The following RO60 variants were observed in gnomAD, a reference collection of about 807,000 sequenced individuals.
RO60 encodes RNA-binding protein RO60.
RO60 carries 20 observed loss-of-function variants against 55.3 expected under a neutral mutation model. The ratio of observed to expected loss-of-function variants is 0.36; its 90% CI spans 0.25 to 0.53. The LOEUF is 0.53. RO60 is among the 20% of genes least tolerant of loss of function. The probability of loss-of-function intolerance (pLI) is 0.92; values close to 1 mark genes in which losing one functional copy is unlikely to be tolerated. For missense variants in RO60, 558 were observed against 646.6 expected (o/e 0.86, Z 1.49); for synonymous variants, 213 against 213.6 (o/e 1.00, Z 0.02).
chr1:193,063,155 C>CG (rs1672894667), intron 1 of RO60, among the ~76,000 whole-genome samples: 1 of 152,120 alleles, frequency 6.6e-6, no homozygotes, highest in Admixed American at 6.6e-5. Context: ...AGTATATGAG[C>CG]GTTTCATTTT....
Position 193,075,851 on chromosome 1 carries a change from G to A in RO60, c.612G>A (p.Lys204=), listed in dbSNP as rs770420503. The change falls in exon 3 of 9, where the codon AAG becomes AAA. Residue 204 remains lysine, a synonymous_variant. Coordinates refer to ENST00000400968, the MANE Select transcript of RO60 (RefSeq NM_001173524.2). ...CAATTGTGACCAAATATATTACAAA[G>A]GGCTGGAAAGAAGTTCATGAATTGT... ...GLAIVTKYIT[K]GWKEVHELYK... 2 of 1,610,186 alleles carry A rather than the reference G, an allele frequency of 1.2e-6. No homozygotes were observed. The highest frequency in any genetic ancestry group is 3.4e-5 in the Admixed American group (2 of 59,364).
chr1:193,078,728 G>T (rs1169609842), intron 5 of RO60, among the ~76,000 whole-genome samples: 1 of 151,896 alleles, frequency 6.6e-6, no homozygotes, highest in Non-Finnish European at 1.5e-5. Context: ...ATTAAGTCAT[G>T]AATAAATAGA....
At chr1:193,066,817 TGCTTA>T (rs559705479) in intron 1 of RO60, among the ~76,000 whole-genome samples, 56 of 152,224 alleles carry the variant, frequency 3.7e-4, no homozygotes, top group Non-Finnish European at 5.7e-4. Flanking sequence ...CTCTACAGGA[TGCTTA>T]GACAGTTTCT....
rs1202648818 is a variant in RO60 at position 193,085,882 on chromosome 1, T to C, written c.*1151T>C. 3 of 985,150 alleles carry C rather than the reference T, an allele frequency of 3.0e-6. No individual in the cohort carries two copies. The highest frequency in any genetic ancestry group is 3.6e-6 in the Non-Finnish European group (3 of 829,808). 61.0% of individuals were successfully genotyped at this position (985,150 alleles called of 1,614,324 possible). A position where few individuals can be genotyped will look rare whatever the true frequency, so the allele number is the denominator to read the frequency against. ...AGTCACTAGGAATTTTTTTCAGTATTATTTGTATGTATTAAACTTTTCATT... is the reference window on the plus strand; with the variant it reads ...AGTCACTAGGAATTTTTTTCAGTATCATTTGTATGTATTAAACTTTTCATT... On this transcript the variant is annotated 3_prime_UTR_variant, in exon 9 of 9. Transcript: ENST00000400968.
chr1:193,080,030 T>C (rs1194868653), intron 5 of RO60, among the ~76,000 whole-genome samples: 2 of 150,092 alleles, frequency 1.3e-5, no homozygotes, highest in African/African-American at 2.5e-5. Flanking sequence ...ACTCATGAGG[T>C]TGAGGCAGGA....
At chr1:193,063,440 C>T (rs535552934) in intron 1 of RO60, among the ~76,000 whole-genome samples, 1 of 152,028 alleles carries the variant, frequency 6.6e-6, no homozygotes, top group East Asian at 1.9e-4. Context: ...TGTAAGTGTT[C>T]TTAATATATT....
intron 2 of RO60, among the ~76,000 whole-genome samples, chr1:193,071,665 A>T (rs1019557781): frequency 2.0e-5 from 3 of 151,484 alleles, no homozygotes; most frequent in Non-Finnish European, 4.4e-5. Context: ...CTCTTTCAGT[A>T]GAATCATGAA....
chr1:193,090,455 G>T lies in RO60; in HGVS notation c.*5724G>T, dbSNP rs1674815146. 6.6e-6 allele frequency: 1 copy of T among 151,162 alleles called. No homozygotes were observed. Among genetic ancestry groups the T allele is most frequent in the African/African-American group, 2.4e-5 (1 of 41,078 alleles). 9.4% of individuals were successfully genotyped at this position (151,162 alleles called of 1,614,324 possible). Reference sequence around the variant, plus strand: ...TCTGAATATGGACTCTCTATATCTGGTATGGCGTGACTGGGCATAACTTCT... The same window carrying T: ...TCTGAATATGGACTCTCTATATCTGTTATGGCGTGACTGGGCATAACTTCT... On this transcript the variant is annotated 3_prime_UTR_variant, in exon 9 of 9. Coordinates refer to ENST00000400968, the MANE Select transcript of RO60 (RefSeq NM_001173524.2).
chr1:193,071,505 T>G (rs1183675868), intron 2 of RO60, among the ~76,000 whole-genome samples: 18 of 152,082 alleles, frequency 1.2e-4, no homozygotes, highest in Admixed American at 1.2e-3. Context: ...CAAGAGTTGT[T>G]TCTGGTTTTT....
At chr1:193,074,007 G>A (rs1263305260) in intron 2 of RO60, among the ~76,000 whole-genome samples, 3 of 151,318 alleles carry the variant, frequency 2.0e-5, no homozygotes, top group African/African-American at 2.4e-5. Flanking sequence ...TTGTCCTTGC[G>A]ATAGTTTGCT....
chr1:193,075,549 A>G (rs1187157735), intron 2 of RO60, among the ~76,000 whole-genome samples: 5 of 152,070 alleles, frequency 3.3e-5, no homozygotes, highest in African/African-American at 1.2e-4. Context: ...GTGTCTTTAA[A>G]AAGAAAAGAA....
At chr1:193,070,015 A>G (rs1283343393) in intron 2 of RO60, among the ~76,000 whole-genome samples, 2 of 152,166 alleles carry the variant, frequency 1.3e-5, no homozygotes, top group Non-Finnish European at 2.9e-5. Flanking sequence ...CAGCTTTGCC[A>G]GTTACTCATC....
chr1:193,080,593 A>G (rs1340977665), intron 5 of RO60, among the ~76,000 whole-genome samples: 1 of 152,228 alleles, frequency 6.6e-6, no homozygotes, highest in Non-Finnish European at 1.5e-5. Context: ...AGTATATAGA[A>G]ATACAACTGA....
Position 193,059,804 on chromosome 1 carries a change from G to T in RO60, c.-22+28G>T. ...GAGGACATTGCGGGAGGCCGGCTGG[G>T]AGCCTTTTGTGCGGCCCCAGGGACG... is the stretch of plus-strand genomic sequence containing the variant. On this transcript the variant is annotated intron_variant, in intron 1 of 8. Transcript: ENST00000400968. The surrounding 1 kb of genome is among the most constrained non-coding windows in gnomAD (Gnocchi z 4.9). 8.8e-6 allele frequency: 12 copies of T among 1,356,726 alleles called. No individual in the cohort carries two copies. Among genetic ancestry groups the T allele is most frequent in the Non-Finnish European group, 1.2e-5 (12 of 1,017,370 alleles). 84.0% of individuals were successfully genotyped at this position (1,356,726 alleles called of 1,614,324 possible). A position where few individuals can be genotyped will look rare whatever the true frequency, so the allele number is the denominator to read the frequency against.
Position 193,076,544 on chromosome 1 carries a change from T to C in RO60, c.845T>C (p.Leu282Pro). 1 of 1,612,724 alleles carries C rather than the reference T, an allele frequency of 6.2e-7. No individual in the cohort carries two copies. The highest frequency in any genetic ancestry group is 8.5e-7 in the Non-Finnish European group (1 of 1,179,422). Residue 282 changes from leucine to proline, a missense_variant, in exon 4 of 9, where the codon CTA becomes CCA. Physicochemically the swap from Leu to Pro is moderately conservative, Grantham distance 98. Transcript: ENST00000400968. ...LLQEMPLTALLRNLGKMTANS... is the reference protein window; with the variant it reads ...LLQEMPLTALPRNLGKMTANS... ...CAAGAAATGCCGCTTACTGCATTAC[T>C]AAGGAATCTAGGAAAGATGACTGCT...
intron 8 of RO60, 139 bp from the exon 9 acceptor site, chr1:193,084,440 A>T: frequency 2.0e-6 from 2 of 990,618 alleles, no homozygotes; most frequent in Non-Finnish European, 1.4e-6. Flanking sequence ...TTCTAGCCTT[A>T]AAAGATTGAC....
chr1:193,084,651 G>T lies in RO60; in HGVS notation c.1537G>T (p.Asp513Tyr). ...TGGTTTCACCATTGCAGACCCAGAT[G>T]ATAGAGGCATGTTGGATATGTGCGG... The part of the protein sequence containing the change: ...SNGFTIADPD[D>Y]RGMLDMCGFD... The change falls in exon 9 of 9, where the codon GAT becomes TAT. Residue 513 changes from aspartate (D) to tyrosine (Y), a missense_variant. Coordinates refer to ENST00000400968, the MANE Select transcript of RO60 (RefSeq NM_001173524.2). 1 of 1,613,964 alleles carries T rather than the reference G, an allele frequency of 6.2e-7. No individual in the cohort carries two copies. Among genetic ancestry groups the T allele is most frequent in the Non-Finnish European group, 8.5e-7 (1 of 1,179,926 alleles).
At chr1:193,067,729 T>C (rs993279773) in intron 1 of RO60, among the ~76,000 whole-genome samples, 1 of 152,158 alleles carries the variant, frequency 6.6e-6, no homozygotes, top group African/African-American at 2.4e-5. Context: ...ATTAGAAGGA[T>C]AAAGAGGGAT....
In RO60 at chr1:193,074,189, A is replaced by G. The variant is rs544047654; in HGVS notation, c.581-1631A>G. 9.4e-3 allele frequency among the ~76,000 whole-genome samples: 1,425 copies of G among 152,290 alleles called. 12 individuals are homozygous for G. Among genetic ancestry groups the G allele is most frequent in the African/African-American group, 0.033 (1,364 of 41,536 alleles). Reference sequence around the variant, plus strand: ...CTTTGCTATTGTGAATAGTGCCGCAATAAACATACGTGTGCATGTGTCTTT... The same window carrying G: ...CTTTGCTATTGTGAATAGTGCCGCAGTAAACATACGTGTGCATGTGTCTTT... On this transcript the variant is annotated intron_variant, in intron 2 of 8. Coordinates refer to ENST00000400968, the MANE Select transcript of RO60 (RefSeq NM_001173524.2).
Sources: gnomAD v4.1 joint callset for allele counts (sites outside exome capture counted in the v4.1 genomes callset) on GRCh38, gnomAD v4.1.1 for gene constraint, Gnocchi (gnomAD v3.1) non-coding constraint, MANE v1.5 for transcripts, NCBI Gene and HGNC (gene_info 2026-07-23, HGNC 2026-07-21) for gene names.